The following SLC4A7 variants were observed in gnomAD, a reference collection of about 807,000 sequenced individuals.
SLC4A7 encodes sodium bicarbonate cotransporter 3.
SLC4A7 carries 51 observed loss-of-function variants against 137.6 expected under a neutral mutation model. The observed-to-expected ratio is 0.37, with a 90% CI of 0.30 to 0.47. SLC4A7 has a LOEUF of 0.47. Among genes scored for constraint, SLC4A7 ranks in the 20% least tolerant of loss-of-function variants. SLC4A7 has a pLI of 1.00. For missense variants in SLC4A7, 1,247 were observed against 1,525.4 expected (o/e 0.82, Z 3.04); for synonymous variants, 542 against 518.6 (o/e 1.05, Z -0.61).
chr3:27,400,718 C>G lies in SLC4A7; in HGVS notation c.2427+46G>C, dbSNP rs766966564. The stretch of plus-strand genomic sequence containing the variant: ...TCTGATTAGAAAAAGCTAAAAGAAC[C>G]AGATCAATATCTATTACAAAACCCT... On this transcript the variant is annotated intron_variant, in intron 16 of 25. Transcript: ENST00000454389. The G allele has an allele frequency of 9.1e-6, 10 of 1,096,590 alleles. No homozygotes were observed. The East Asian group carries it at 2.4e-4, about 26-fold the overall frequency. The allele number at this position is 1,096,590 out of a possible 1,614,324, so 67.9% of individuals were successfully genotyped here.
chr3:27,421,484 A>G, intron 9 of SLC4A7, 138 bp downstream of exon 9: 1 of 744,210 alleles, frequency 1.3e-6, no homozygotes, highest in Non-Finnish European at 2.1e-6. Flanking sequence ...TGACAAAGTG[A>G]GATTGTCTCA....
chr3:27,454,422 C>T (rs1488427001), intron 1 of SLC4A7, among the ~76,000 whole-genome samples: 2 of 152,170 alleles, frequency 1.3e-5, no homozygotes, highest in Admixed American at 6.5e-5. Context: ...GCCGAGATCA[C>T]GTCACTTTAC....
At chr3:27,463,656 A>G (rs1480528867) in intron 1 of SLC4A7, among the ~76,000 whole-genome samples, 2 of 152,166 alleles carry the variant, frequency 1.3e-5, no homozygotes, top group African/African-American at 4.8e-5. Context: ...CACTGGGATG[A>G]GGATGGGGTG....
At chr3:27,385,004 C>T (rs1462443723) in intron 23 of SLC4A7, among the ~76,000 whole-genome samples, 1 of 152,048 alleles carries the variant, frequency 6.6e-6, no homozygotes, top group Non-Finnish European at 1.5e-5. Context: ...AAACCAAAAT[C>T]TTAATTTTAA....
intron 13 of SLC4A7, among the ~76,000 whole-genome samples, chr3:27,408,095 T>C (rs1475751891): frequency 6.6e-6 from 1 of 152,256 alleles, no homozygotes; most frequent in Non-Finnish European, 1.5e-5. Flanking sequence ...CAAAGCACTA[T>C]GTATATACTA....
intron 3 of SLC4A7, among the ~76,000 whole-genome samples, chr3:27,442,149 G>C (rs1349789902): frequency 6.6e-6 from 1 of 152,076 alleles, no homozygotes; most frequent in Non-Finnish European, 1.5e-5. Flanking sequence ...GCCTCCCAAA[G>C]TTCTGGGATT....
intron 17 of SLC4A7, 38 bp from the exon 18 acceptor site, chr3:27,397,835 TAC>T (rs2052350753): frequency 4.5e-6 from 5 of 1,110,262 alleles, no homozygotes; most frequent in Admixed American, 2.0e-5. Context: ...AACACAGAAA[TAC>T]TATGTGTTCT....
At position 27,403,352 on chromosome 3, in the gene SLC4A7, G is replaced by C; in HGVS notation, c.2108C>G (p.Thr703Ser). 1 of 1,601,186 alleles carries C rather than the reference G, an allele frequency of 6.2e-7. No homozygotes were observed. ...AAAAGAAGTCCACAGACCAATACTG[G>C]TTCTTAAAGACAGATAAGAAAGTTG... The part of the protein sequence containing the change: ...DYQLSYLSLR[T>S]SIGLWTSFLC... The change falls in exon 15 of 26, where the codon ACC becomes AGC. Residue 703 changes from threonine (T) to serine (S), a missense_variant. By Grantham distance (58) the Thr-to-Ser change is moderately conservative. Coordinates refer to ENST00000454389, the MANE Select transcript of SLC4A7 (RefSeq NM_001321103.2).
In SLC4A7 at chr3:27,433,981, G is replaced by C; in HGVS notation, c.713C>G (p.Pro238Arg). ...QNEKRFTSRI[P>R]LVRSFADIGK... ...TATATCTGCAAAAGATCGAACAAGA[G>C]GAATCCGACTGGTGAATCTTTTCTC... Residue 238 changes from proline (P) to arginine (R), a missense_variant, in exon 6 of 26, where the codon CCT becomes CGT. Transcript: ENST00000454389. 5 of 1,613,936 alleles carry C rather than the reference G, an allele frequency of 3.1e-6. No individual in the cohort carries two copies. Among genetic ancestry groups the C allele is most frequent in the Non-Finnish European group, 3.4e-6 (4 of 1,179,918 alleles).
chr3:27,390,037 T>A lies in SLC4A7; in HGVS notation c.3254A>T (p.Tyr1085Phe). Residue 1085 changes from tyrosine to phenylalanine, a missense_variant, in exon 22 of 26, where the codon TAT (tyrosine) becomes TTT (phenylalanine). Physicochemically the swap from Tyr to Phe is conservative, Grantham distance 22. This residue lies in a region of SLC4A7 where 290 missense variants were observed against 323.8 expected (regional missense o/e 0.90). Transcript: ENST00000454389. Reference protein sequence around the residue: ...KHQPDLIYLRYVPLWKVHIFT... With the variant: ...KHQPDLIYLRFVPLWKVHIFT... ...AATATGGACCTTCCAGAGCGGCACA[T>A]AACGGAGGTATATCAAATCAGGCTG... 4 of 1,612,680 alleles carry A rather than the reference T, an allele frequency of 2.5e-6. No homozygotes were observed. Among genetic ancestry groups the A allele is most frequent in the Non-Finnish European group, 3.4e-6 (4 of 1,178,824 alleles).
intron 11 of SLC4A7, among the ~76,000 whole-genome samples, chr3:27,415,356 C>T (rs2054283196): frequency 6.6e-6 from 1 of 152,210 alleles, no homozygotes; most frequent in African/African-American, 2.4e-5. Context: ...TGGAAGCTGG[C>T]ATTTATCTTT....
At chr3:27,465,528 A>C (rs2058940311) in intron 1 of SLC4A7, among the ~76,000 whole-genome samples, 2 of 151,408 alleles carry the variant, frequency 1.3e-5, no homozygotes, top group Middle Eastern at 6.8e-3. Flanking sequence ...CAATCATTAC[A>C]TTATATAATC....
rs1446080637 is a variant in SLC4A7, at chr3:27,375,931, CAA to C, written c.*831_*832del. The C allele has an allele frequency of 2.0e-5, 3 of 151,846 alleles. No homozygotes were observed. The highest frequency in any genetic ancestry group is 7.3e-5 in the African/African-American group (3 of 41,366). 9.4% of individuals were successfully genotyped at this position (151,846 alleles called of 1,614,324 possible). ...TGATGGAAACTAAAGCATTTTAAGA[CAA>C]AGAGAGACAAGGCAGAGAACAGAGT... On this transcript the variant is annotated 3_prime_UTR_variant, in exon 26 of 26. Coordinates refer to ENST00000454389, the MANE Select transcript of SLC4A7 (RefSeq NM_001321103.2).
Position 27,436,410 on chromosome 3 carries a change from T to TGCAA in SLC4A7, c.566_567insTTGC (p.Ser190CysfsTer6). 6.2e-7 allele frequency: 1 copy of TGCAA among 1,613,032 alleles called. No individual in the cohort carries two copies. The highest frequency in any genetic ancestry group is 8.5e-7 in the Non-Finnish European group (1 of 1,179,444). On this transcript the variant is annotated frameshift_variant, in exon 5 of 26. Transcript: ENST00000454389. LOFTEE classifies it high-confidence loss of function. ...AACCTGCTATTTCATCTAGAGTGCT[T>TGCAA]GCTCTCATATCCAGCATGACTGTTC...
intron 13 of SLC4A7, among the ~76,000 whole-genome samples, chr3:27,406,793 G>T (rs188219827): frequency 1.3e-5 from 2 of 152,096 alleles, no homozygotes; most frequent in African/African-American, 4.8e-5. Context: ...TTAGCTAGGC[G>T]TGGTGGTACA....
intron 22 of SLC4A7, among the ~76,000 whole-genome samples, chr3:27,389,444 C>T (rs1188526391): frequency 6.6e-6 from 1 of 151,918 alleles, no homozygotes; most frequent in Non-Finnish European, 1.5e-5. Context: ...TTTTACATAG[C>T]ATTTACAGAA....
At chr3:27,423,121 T>G (rs1206355389) in intron 8 of SLC4A7, among the ~76,000 whole-genome samples, 1 of 152,232 alleles carries the variant, frequency 6.6e-6, no homozygotes, top group East Asian at 1.9e-4. Context: ...TCCGTAATGC[T>G]AGGCTTCCTA....
chr3:27,473,079 CAAA>C (rs35807931), intron 1 of SLC4A7, among the ~76,000 whole-genome samples: 2 of 131,554 alleles, frequency 1.5e-5, no homozygotes. Context: ...GACTCTGTCT[CAAA>C]AAAAAAAAAA....
rs746018551 is a variant in SLC4A7 at position 27,431,453 on chromosome 3, C to A, written c.995G>T (p.Ser332Ile). The A allele has an allele frequency of 6.2e-7, 1 of 1,614,050 alleles. No individual in the cohort carries two copies. Among genetic ancestry groups the A allele is most frequent in the South Asian group, 1.1e-5 (1 of 91,062 alleles). ...GGCCTGACGCTGACTCTCTTGGGAACTTCTGGAGGTCAGGCGGCTGATGCT... is the reference window on the plus strand; with the variant it reads ...GGCCTGACGCTGACTCTCTTGGGAAATTCTGGAGGTCAGGCGGCTGATGCT... ...SPSISRLTSR[S>I]SQESQRQAPE... Residue 332 changes from serine to isoleucine, a missense_variant, in exon 7 of 26, where the codon AGT becomes ATT. By Grantham distance (142) the Ser-to-Ile change is moderately radical. This residue lies in a region of SLC4A7 where 223 missense variants were observed against 203.6 expected (regional missense o/e 1.10). Transcript: ENST00000454389.
Sources: allele counts gnomAD v4.1 joint callset (sites outside exome capture counted in the v4.1 genomes callset), GRCh38; gene constraint gnomAD v4.1.1; regional missense constraint gnomAD v4.1.1; transcripts MANE v1.5; gene names NCBI Gene and HGNC (gene_info 2026-07-23, HGNC 2026-07-21).